The following DYNC1I1 variants were observed in gnomAD, a reference collection of about 807,000 sequenced individuals.
The protein encoded by DYNC1I1 is cytoplasmic dynein 1 intermediate chain 1.
In DYNC1I1, 43 loss-of-function variants were observed where a neutral mutation model predicts 86.6. The ratio of observed to expected loss-of-function variants is 0.50; its 90% CI spans 0.39 to 0.64. The LOEUF (loss-of-function observed/expected upper bound fraction) is 0.64. Ranked by LOEUF, DYNC1I1 falls within the 30% of genes least tolerant of loss-of-function variation. DYNC1I1 has a pLI of 0.00. For missense variants in DYNC1I1, 604 were observed against 788.8 expected (o/e 0.77, Z 2.81); for synonymous variants, 262 against 283.7 (o/e 0.92, Z 0.77).
intron 6 of DYNC1I1, among the ~76,000 whole-genome samples, chr7:95,890,216 T>C (rs1366960206): frequency 1.3e-5 from 2 of 152,072 alleles, no homozygotes; most frequent in Non-Finnish European, 2.9e-5. Flanking sequence ...ATAAAGAAAA[T>C]GCGGTGCATA....
At position 95,933,465 on chromosome 7, in the gene DYNC1I1, C is replaced by T. The variant is rs116670560; in HGVS notation, c.491-44047C>T. Among the ~76,000 whole-genome samples, 1,068 of 152,262 alleles carry T rather than the reference C, an allele frequency of 7.0e-3. 10 individuals carry two copies. The highest frequency in any genetic ancestry group is 0.025 in the African/African-American group (1,018 of 41,544). ...GGGTTAATCAGATACAGAAACTTAA[C>T]AATTTCTAGAATTGTAAGGAAATAA... On this transcript the variant is annotated intron_variant, in intron 6 of 16. Coordinates refer to ENST00000447467, the MANE Select transcript of DYNC1I1 (RefSeq NM_001135556.2).
At chr7:95,982,612 G>T (rs1265881031) in intron 7 of DYNC1I1, among the ~76,000 whole-genome samples, 1 of 152,082 alleles carries the variant, frequency 6.6e-6, no homozygotes, top group Admixed American at 6.5e-5. Flanking sequence ...AGACTAGAAA[G>T]ATTTTTTAAT....
At chr7:95,821,048 T>G (rs2690287) in intron 4 of DYNC1I1, among the ~76,000 whole-genome samples, 79,709 of 152,128 alleles carry the variant, frequency 0.52, 21,682 homozygotes, top group African/African-American at 0.68. Context: ...GATTTATTAT[T>G]TCATTTTTTA....
intron 5 of DYNC1I1, among the ~76,000 whole-genome samples, chr7:95,839,094 G>C (rs1189518267): frequency 6.6e-6 from 1 of 151,860 alleles, no homozygotes; most frequent in Non-Finnish European, 1.5e-5. Flanking sequence ...GCAGTGGTGC[G>C]ATCTTGGCTC....
At chr7:95,968,951 C>G (rs932423149) in intron 6 of DYNC1I1, among the ~76,000 whole-genome samples, 5 of 151,846 alleles carry the variant, frequency 3.3e-5, no homozygotes, top group African/African-American at 1.2e-4. Flanking sequence ...TTACACGCCT[C>G]AAGGAGGCTC....
At chr7:95,921,282 T>G (rs1791604007) in intron 6 of DYNC1I1, among the ~76,000 whole-genome samples, 1 of 152,184 alleles carries the variant, frequency 6.6e-6, no homozygotes, top group Non-Finnish European at 1.5e-5. Flanking sequence ...TTTGGGGGCT[T>G]CATTGTTTCA....
chr7:96,028,237 C>A lies in DYNC1I1; in HGVS notation c.1032C>A (p.Tyr344Ter). ...FHPNLVVGGTYSGQIVLWDNR... is the reference protein window; with the variant it reads ...FHPNLVVGGT ...CTAACTTGGTGGTTGGTGGGACTTACTCGGGCCAGATTGTCCTCTGGGACA... is the reference window on the plus strand; with the variant it reads ...CTAACTTGGTGGTTGGTGGGACTTAATCGGGCCAGATTGTCCTCTGGGACA... Residue 344 changes from tyrosine (Y) to a stop codon, truncating the protein, a stop_gained, in exon 11 of 17, where the codon TAC becomes TAA. Transcript: ENST00000447467. LOFTEE classifies it high-confidence loss of function. The A allele has an allele frequency of 6.2e-7, 1 of 1,613,886 alleles. No homozygotes were observed. Among genetic ancestry groups the A allele is most frequent in the Non-Finnish European group, 8.5e-7 (1 of 1,179,858 alleles).
chr7:95,993,702 G>GT (rs1308474610), intron 9 of DYNC1I1, among the ~76,000 whole-genome samples: 2 of 152,150 alleles, frequency 1.3e-5, no homozygotes, highest in African/African-American at 4.8e-5. Context: ...CCAGCACATT[G>GT]TAACTCTCTG....
intron 6 of DYNC1I1, among the ~76,000 whole-genome samples, chr7:95,936,498 GA>G (rs1197567792): frequency 6.6e-6 from 1 of 151,732 alleles, no homozygotes; most frequent in Non-Finnish European, 1.5e-5. Context: ...GTTTTTAGGT[GA>G]AACAAGGTGT....
intron 6 of DYNC1I1, among the ~76,000 whole-genome samples, chr7:95,957,721 G>A (rs918394038): frequency 3.3e-5 from 5 of 152,204 alleles, no homozygotes; most frequent in African/African-American, 9.7e-5. Flanking sequence ...AAGCACATCT[G>A]CAGCAGGAAA....
In DYNC1I1 at chr7:96,039,372, T is replaced by G; in HGVS notation, c.1460T>G (p.Leu487Arg). Residue 487 changes from leucine (L) to arginine (R), a missense_variant, in exon 14 of 17, where the codon CTG (leucine) becomes CGG (arginine). Leu to Arg is a moderately radical substitution (Grantham distance 102). Transcript: ENST00000447467. ...MAVGPIDFSH[L>R]FVTSSFDWTV... is the part of the protein sequence containing the mutation. ...GTGGGCCCAATCGACTTTTCTCACC[T>G]GTTTGTCACATCATCATTTGACTGG... The G allele has an allele frequency of 6.2e-7, 1 of 1,614,106 alleles. No individual in the cohort carries two copies. The highest frequency in any genetic ancestry group is 8.5e-7 in the Non-Finnish European group (1 of 1,179,966).
At chr7:95,848,513 A>G (rs1312190194) in intron 5 of DYNC1I1, among the ~76,000 whole-genome samples, 1 of 152,000 alleles carries the variant, frequency 6.6e-6, no homozygotes, top group Non-Finnish European at 1.5e-5. Context: ...CGCTTATTTC[A>G]CTTAACAAAA....
intron 6 of DYNC1I1, among the ~76,000 whole-genome samples, chr7:95,977,234 A>G (rs1034249734): frequency 1.1e-4 from 17 of 152,186 alleles, no homozygotes; most frequent in African/African-American, 4.1e-4. Flanking sequence ...GGCAATTCCA[A>G]GACATCCCAC....
intron 14 of DYNC1I1, among the ~76,000 whole-genome samples, chr7:96,044,077 T>C (rs888750707): frequency 6.6e-5 from 10 of 152,204 alleles, no homozygotes; most frequent in African/African-American, 1.7e-4. Context: ...GAACAAATTA[T>C]ATGATATTAG....
At chr7:96,090,097 A>G (rs186201092) in intron 16 of DYNC1I1, among the ~76,000 whole-genome samples, 34 of 152,264 alleles carry the variant, frequency 2.2e-4, no homozygotes, top group Non-Finnish European at 4.1e-4. Flanking sequence ...TTGGGCAGAG[A>G]AATAGATTGT....
At chr7:96,049,064 C>T (rs886603789) in intron 14 of DYNC1I1, among the ~76,000 whole-genome samples, 16 of 151,968 alleles carry the variant, frequency 1.1e-4, no homozygotes, top group Admixed American at 1.0e-3. Context: ...TTGAGACCAT[C>T]ACGGCTAACA....
chr7:95,891,940 G>T (rs950615819), intron 6 of DYNC1I1, among the ~76,000 whole-genome samples: 3 of 147,082 alleles, frequency 2.0e-5, no homozygotes, highest in Non-Finnish European at 4.5e-5. Flanking sequence ...CATGTTAGTT[G>T]TAAGTTCTGG....
intron 16 of DYNC1I1, among the ~76,000 whole-genome samples, chr7:96,088,334 A>G (rs1242051773): frequency 1.3e-5 from 2 of 152,158 alleles, no homozygotes; most frequent in East Asian, 1.9e-4. Flanking sequence ...TCAAAATTCA[A>G]TGAAGTTCAT....
intron 6 of DYNC1I1, among the ~76,000 whole-genome samples, chr7:95,905,435 C>T (rs1315253703): frequency 6.6e-6 from 1 of 152,162 alleles, no homozygotes; most frequent in African/African-American, 2.4e-5. Context: ...TAGACCTACT[C>T]AGCTGCAGAC....
Sources: gnomAD v4.1 joint callset for allele counts (sites outside exome capture counted in the v4.1 genomes callset) on GRCh38, gnomAD v4.1.1 for gene constraint, MANE v1.5 for transcripts, NCBI Gene and HGNC (gene_info 2026-07-23, HGNC 2026-07-21) for gene names.